The following TAF1C variants were observed in gnomAD, a reference collection of about 807,000 sequenced individuals.
TAF1C encodes TATA-box binding protein associated factor, RNA polymerase I subunit C.
In TAF1C, 79 loss-of-function variants were observed where a neutral mutation model predicts 70.5. The ratio of observed to expected loss-of-function variants is 1.12; its 90% confidence interval spans 0.93 to 1.35. The LOEUF (loss-of-function observed/expected upper bound fraction) is 1.35. Ranked by LOEUF, TAF1C falls within the 40% of genes most tolerant of loss-of-function variation. The pLI, the probability that TAF1C is intolerant of heterozygous loss-of-function variation, is 0.00. For synonymous variants in TAF1C, 614 were observed against 491.1 expected (o/e 1.25, Z -3.31); for missense variants, 1,412 against 1,127.8 (o/e 1.25, Z -3.61).
chr16:84,178,577 C>A lies in TAF1C; in HGVS notation c.*364G>T, dbSNP rs766054847. The stretch of plus-strand genomic sequence containing the variant: ...AAACACGAGGAGCCAGCACTCCTGG[C>A]CCCCATTCCACTGGACAGGAAGGCG... On this transcript the variant is annotated 3_prime_UTR_variant, in exon 15 of 15. Transcript: ENST00000566732. 485 of 430,698 alleles carry A rather than the reference C, an allele frequency of 1.1e-3. 2 individuals carry two copies. Among genetic ancestry groups the A allele is most frequent in the Non-Finnish European group, 1.8e-3 (407 of 220,430 alleles). 26.7% of individuals were successfully genotyped at this position (430,698 alleles called of 1,614,324 possible). A position where few individuals can be genotyped will look rare whatever the true frequency, so the allele number is the denominator to read the frequency against.
intron 13 of TAF1C, 43 bp from the exon 14 acceptor site, chr16:84,180,126 C>A (rs771143277): frequency 1.3e-6 from 2 of 1,564,078 alleles, no homozygotes; most frequent in Admixed American, 4.0e-5. Flanking sequence ...AGGCCCCGAC[C>A]GCCCCATCTC....
rs542358964 is a variant in TAF1C, at chr16:84,182,977, A to G, written c.482+99T>C. ...CTCAGACTGCATGGAGCAGGGGGGA[A>G]GTGGGTATGACGGAAAGCTGTACGT... is the stretch of plus-strand genomic sequence containing the variant. On this transcript the variant is annotated intron_variant, in intron 6 of 14. Coordinates refer to ENST00000566732, the MANE Select transcript of TAF1C (RefSeq NM_001243156.2). This position sits in a 1 kb window ranked among gnomAD's most constrained non-coding sequence, Gnocchi z 5.0. The G allele has an allele frequency of 8.4e-7, 1 of 1,190,988 alleles. No homozygotes were observed. Among genetic ancestry groups the G allele is most frequent in the Non-Finnish European group, 1.2e-6 (1 of 802,462 alleles). 73.8% of individuals were successfully genotyped at this position (1,190,988 alleles called of 1,614,324 possible).
In TAF1C at chr16:84,179,404, T is replaced by C. The variant is rs1305643942; in HGVS notation, c.2069A>G (p.Lys690Arg). 6.3e-6 allele frequency: 10 copies of C among 1,598,220 alleles called. No homozygotes were observed. Among genetic ancestry groups the C allele is most frequent in the Non-Finnish European group, 8.5e-6 (10 of 1,178,006 alleles). ...PPAPESGLEDKLSERLGEAWA... is the reference protein window; with the variant it reads ...PPAPESGLEDRLSERLGEAWA... ...GGCTTCCCCCAGGCGCTCACTGAGC[T>C]TGTCCTCTAGGCCTGACTCGGGTGC... The change falls in exon 15 of 15, where the codon AAG becomes AGG. Residue 690 changes from lysine (K) to arginine (R), a missense_variant. By Grantham distance (26) the Lys-to-Arg change is conservative (BLOSUM62 2). Coordinates refer to ENST00000566732, the MANE Select transcript of TAF1C (RefSeq NM_001243156.2).
chr16:84,183,789 GACAATCGCAAGGACAGTATC>G lies in TAF1C; in HGVS notation c.139-31_139-12del, dbSNP rs1313218976. 1.2e-6 allele frequency: 2 copies of G among 1,604,854 alleles called. No homozygotes were observed. The highest frequency in any genetic ancestry group is 8.5e-7 in the Non-Finnish European group (1 of 1,173,448). ...ATGCAGTGCCCCATTCTGAAGGGAG[GACAATCGCAAGGACAGTATC>G]ATGATGAATGCCCTCCCTGGGCCAG... On this transcript the variant is annotated splice_polypyrimidine_tract_variant and intron_variant, in intron 2 of 14. Coordinates refer to ENST00000566732, the MANE Select transcript of TAF1C (RefSeq NM_001243156.2).
rs1485043061 is a variant in TAF1C at position 84,179,951 on chromosome 16, G to T, written c.1616C>A (p.Thr539Asn). The T allele has an allele frequency of 6.8e-6, 11 of 1,612,292 alleles. No homozygotes were observed. The East Asian group carries it at 8.9e-5, about 13-fold the overall frequency. The change falls in exon 14 of 15, where the codon ACC becomes AAC. Residue 539 changes from threonine (T) to asparagine (N), a missense_variant. Physicochemically the swap from Thr to Asn is moderately conservative, Grantham distance 65 (BLOSUM62 0). Transcript: ENST00000566732. ...WRLQERLKAPTIGLAAVVPPL... is the reference protein window; with the variant it reads ...WRLQERLKAPNIGLAAVVPPL... ...CACTCCCCCACCCAGCACACCTATGGTCGGTGCTTTCAGGCGCTCCTGCAG... is the reference window on the plus strand; with the variant it reads ...CACTCCCCCACCCAGCACACCTATGTTCGGTGCTTTCAGGCGCTCCTGCAG...
At position 84,183,523 on chromosome 16, in the gene TAF1C, C is replaced by T. The variant is rs375298707; in HGVS notation, c.221-16G>A. On this transcript the variant is annotated splice_polypyrimidine_tract_variant and intron_variant, in intron 3 of 14. Transcript: ENST00000566732. ...TCCCAGGGATCTGAGAAGGAGGTTA[C>T]GGAAAGGGCTGGGGAGGGCACAGGA... is the stretch of plus-strand genomic sequence containing the variant. 191 of 1,601,954 alleles carry T rather than the reference C, an allele frequency of 1.2e-4. No individual in the cohort carries two copies. In the African/African-American group the frequency reaches 1.5e-3, roughly 13 times the overall value.
chr16:84,183,443 C>A lies in TAF1C; in HGVS notation c.285G>T (p.Lys95Asn). 1.2e-6 allele frequency: 2 copies of A among 1,612,556 alleles called. No homozygotes were observed. Among genetic ancestry groups the A allele is most frequent in the Non-Finnish European group, 1.7e-6 (2 of 1,179,244 alleles). ...TCACATCCAGCACGACTCGGGGCCG[C>A]TTCCGATACCGGCACCCTCCGCGGA... The part of the protein sequence containing the change: ...LLFRGGCRYR[K>N]RPRVVLDVTE... The change falls in exon 4 of 15, where the codon AAG (lysine) becomes AAT (asparagine). Residue 95 changes from lysine to asparagine, a missense_variant. Transcript: ENST00000566732.
Position 84,178,643 on chromosome 16 carries a change from C to T in TAF1C, c.*298G>A, listed in dbSNP as rs948840498. ...CTGCCTGAGGCCCCCACAGCTGAGG[C>T]GCAGCGGAGCCCTGCCTCCCAGCAC... On this transcript the variant is annotated 3_prime_UTR_variant, in exon 15 of 15. Coordinates refer to ENST00000566732, the MANE Select transcript of TAF1C (RefSeq NM_001243156.2). 71 of 467,080 alleles carry T rather than the reference C, an allele frequency of 1.5e-4. 1 individual carries two copies. Among genetic ancestry groups the T allele is most frequent in the Admixed American group, 1.1e-3 (32 of 30,052 alleles). The allele number at this position is 467,080 out of a possible 1,614,324, so 28.9% of individuals were successfully genotyped here. A position where few individuals can be genotyped will look rare whatever the true frequency, so the allele number is the denominator to read the frequency against.
intron 3 of TAF1C, 83 bp downstream of exon 3, chr16:84,183,614 G>A: frequency 6.5e-7 from 1 of 1,544,328 alleles, no homozygotes. Flanking sequence ...GGCTTAGCAG[G>A]GAGAGGAAGG....
rs1035610415 is a variant in TAF1C at position 84,187,000 on chromosome 16, T to G, written c.-172A>C. On this transcript the variant is annotated 5_prime_UTR_variant, in exon 1 of 15. Coordinates refer to ENST00000566732, the MANE Select transcript of TAF1C (RefSeq NM_001243156.2). ...GGAAATCTCAAGTAGAACCCCAGCT[T>G]TGGCACTCGGGACGGGTCAGCCCCG... 1.3e-5 allele frequency: 2 copies of G among 152,124 alleles called. No individual in the cohort carries two copies. Among genetic ancestry groups the G allele is most frequent in the Admixed American group, 6.5e-5 (1 of 15,286 alleles). The allele number at this position is 152,124 out of a possible 1,614,324, so 9.4% of individuals were successfully genotyped here. A position where few individuals can be genotyped will look rare whatever the true frequency, so the allele number is the denominator to read the frequency against.
chr16:84,185,128 A>C (rs2089413639), intron 1 of TAF1C, 68 bp from the exon 2 acceptor site: 1 of 1,078,636 alleles, frequency 9.3e-7, no homozygotes, highest in Admixed American at 2.9e-5. Flanking sequence ...AAAAACAAAT[A>C]TGTAGCCCAA....
Position 84,178,200 on chromosome 16 carries a change from T to G in TAF1C, c.*741A>C. On this transcript the variant is annotated 3_prime_UTR_variant, in exon 15 of 15. Coordinates refer to ENST00000566732, the MANE Select transcript of TAF1C (RefSeq NM_001243156.2). ...GGAGTCTGTGAGGCACAACAGAGAA[T>G]TCCCCCAAACTGACATGACCGTGAC... 1 of 389,184 alleles carries G rather than the reference T, an allele frequency of 2.6e-6. No individual in the cohort carries two copies. The highest frequency in any genetic ancestry group is 5.1e-6 in the Non-Finnish European group (1 of 195,932). 24.1% of individuals were successfully genotyped at this position (389,184 alleles called of 1,614,324 possible).
intron 13 of TAF1C, 27 bp downstream of exon 13, chr16:84,180,143 G>A (rs1277492651): frequency 1.9e-6 from 3 of 1,559,382 alleles, no homozygotes; most frequent in Non-Finnish European, 1.7e-6. Flanking sequence ...TCTCCCACAC[G>A]CCGCCCACCC....
At position 84,181,961 on chromosome 16, in the gene TAF1C, T is replaced by C; in HGVS notation, c.819A>G (p.Thr273=). The part of the protein sequence containing the change: ...QLQGPVRQVV[T]CTVQGETLLA... Reference sequence around the variant, plus strand: ...CCTTACTTTCTCCCTGGACGGTGCATGTCACCACTTGCCGGACAGGTCCCT... The same window carrying C: ...CCTTACTTTCTCCCTGGACGGTGCACGTCACCACTTGCCGGACAGGTCCCT... The change falls in exon 8 of 15, where the codon ACA becomes ACG. Residue 273 remains threonine, a synonymous_variant. Coordinates refer to ENST00000566732, the MANE Select transcript of TAF1C (RefSeq NM_001243156.2). 1 of 1,613,918 alleles carries C rather than the reference T, an allele frequency of 6.2e-7. No homozygotes were observed. The highest frequency in any genetic ancestry group is 8.5e-7 in the Non-Finnish European group (1 of 1,180,004).
In TAF1C at chr16:84,187,055, AC is replaced by A. The variant is rs1555531822; in HGVS notation, c.-228del. 3.9e-5 allele frequency: 6 copies of A among 152,066 alleles called. No homozygotes were observed. Among genetic ancestry groups the A allele is most frequent in the Non-Finnish European group, 8.8e-5 (6 of 67,984 alleles). The allele number at this position is 152,066 out of a possible 1,614,324, so 9.4% of individuals were successfully genotyped here. A position where few individuals can be genotyped will look rare whatever the true frequency, so the allele number is the denominator to read the frequency against. Reference sequence around the variant, plus strand: ...AGCTACCCACGGTCTTCCGGTTTGGACCGGAAGTGCCTCCTGCGGAGGCAGG... The same window carrying A: ...AGCTACCCACGGTCTTCCGGTTTGGACGGAAGTGCCTCCTGCGGAGGCAGG... On this transcript the variant is annotated 5_prime_UTR_variant, in exon 1 of 15. Coordinates refer to ENST00000566732, the MANE Select transcript of TAF1C (RefSeq NM_001243156.2).
chr16:84,184,977 G>A lies in TAF1C; in HGVS notation c.12C>T (p.Pro4=). The change falls in exon 2 of 15, where the codon CCC becomes CCT. Residue 4 remains proline, a synonymous_variant. Coordinates refer to ENST00000566732, the MANE Select transcript of TAF1C (RefSeq NM_001243156.2). ...GAAACAATGCAGGGCGGAGGGAGCT[G>A]GGGAAGTCCATCCTGGAAACAAGGA... MDF[P]SSLRPALFLT... The A allele has an allele frequency of 1.2e-6, 2 of 1,613,378 alleles. No individual in the cohort carries two copies. The highest frequency in any genetic ancestry group is 2.2e-5 in the South Asian group (2 of 90,944).
chr16:84,181,528 G>A (rs371562361), intron 10 of TAF1C, 64 bp downstream of exon 10: 96 of 1,613,644 alleles, frequency 5.9e-5, no homozygotes, highest in African/African-American at 1.3e-4. Flanking sequence ...CAAGGGTCGC[G>A]ACATGCTCAA....
Position 84,183,307 on chromosome 16 carries a change from T to A in TAF1C, c.345A>T (p.Gly115=), listed in dbSNP as rs1469262650. 1.9e-6 allele frequency: 3 copies of A among 1,613,760 alleles called. No individual in the cohort carries two copies. Among genetic ancestry groups the A allele is most frequent in the African/African-American group, 2.7e-5 (2 of 74,876 alleles). The change falls in exon 5 of 15, where the codon GGA becomes GGT. Residue 115 remains glycine, a synonymous_variant. Coordinates refer to ENST00000566732, the MANE Select transcript of TAF1C (RefSeq NM_001243156.2). ...EQISRFLLDH[G]DVAFAPLGKL... Reference sequence around the variant, plus strand: ...TCCCCAGGGGCGCAAAGGCTACGTCTCCATGATCCAAGAGGAACCGGCTGA... The same window carrying A: ...TCCCCAGGGGCGCAAAGGCTACGTCACCATGATCCAAGAGGAACCGGCTGA...
rs115942235 is a variant in TAF1C at position 84,178,680 on chromosome 16, C to T, written c.*261G>A. On this transcript the variant is annotated 3_prime_UTR_variant, in exon 15 of 15. Transcript: ENST00000566732. ...CTGCCTCCCAGCACAGACTAAAATC[C>T]CAGCAACACAGGCCCACCGGCACCT... is the stretch of plus-strand genomic sequence containing the variant. 1 of 533,298 alleles carries T rather than the reference C, an allele frequency of 1.9e-6. No homozygotes were observed. The highest frequency in any genetic ancestry group is 1.9e-5 in the African/African-American group (1 of 52,482). The allele number at this position is 533,298 out of a possible 1,614,324, so 33.0% of individuals were successfully genotyped here. A position where few individuals can be genotyped will look rare whatever the true frequency, so the allele number is the denominator to read the frequency against.
Sources: allele counts gnomAD v4.1 joint callset, GRCh38; gene constraint gnomAD v4.1.1; non-coding constraint Gnocchi (gnomAD v3.1); transcripts MANE v1.5; gene names NCBI Gene and HGNC (gene_info 2026-07-23, HGNC 2026-07-21).